Variants in USP40 observed in about 807,000 individuals in gnomAD.
USP40 encodes the protein ubiquitin specific peptidase 40.
A neutral mutation model predicts 166.2 loss-of-function variants in USP40; 143 were observed. The observed-to-expected ratio is 0.86, with a 90% CI of 0.75 to 0.99. The LOEUF (loss-of-function observed/expected upper bound fraction) is 0.99. Among genes scored for constraint, USP40 ranks in the 50% least tolerant of loss-of-function variants. The pLI, the probability that USP40 is intolerant of heterozygous loss-of-function variation, is 0.00. For missense variants in USP40, 1,444 were observed against 1,479.7 expected (o/e 0.98, Z 0.40); for synonymous variants, 498 against 524.0 (o/e 0.95, Z 0.68).
Position 233,540,680 on chromosome 2 carries a change from C to A in USP40, c.1152G>T (p.Gln384His), listed in dbSNP as rs751647793. The A allele has an allele frequency of 6.2e-7, 1 of 1,612,094 alleles. No homozygotes were observed. Residue 384 changes from glutamine (Q) to histidine (H), a missense_variant, in exon 10 of 32, where the codon CAG becomes CAT. Physicochemically the swap from Gln to His is conservative, Grantham distance 24. Transcript: ENST00000678225. ...GISWNKKYRK[Q>H]HGPLRKFLQL... Reference sequence around the variant, plus strand: ...GTATTACCTTCCGCAGTGGTCCATGCTGTTTTCTGTACTTCTTGTTCCAAG... The same window carrying A: ...GTATTACCTTCCGCAGTGGTCCATGATGTTTTCTGTACTTCTTGTTCCAAG...
At position 233,533,773 on chromosome 2, in the gene USP40, G is replaced by C; in HGVS notation, c.1177C>G (p.Gln393Glu). 2 of 1,578,446 alleles carry C rather than the reference G, an allele frequency of 1.3e-6. No homozygotes were observed. Among genetic ancestry groups the C allele is most frequent in the South Asian group, 2.3e-5 (2 of 87,102 alleles). ...AGTAGAAATATCTGAGAATGGAGCT[G>C]TAAGAACTACACAGAAACAAAAAAA... ...KQHGPLRKFL[Q>E]LHSQIFLLSS... The change falls in exon 11 of 32, where the codon CAG (glutamine) becomes GAG (glutamate). Residue 393 changes from glutamine to glutamate, a missense_variant. By Grantham distance (29) the Gln-to-Glu change is conservative (BLOSUM62 2). Coordinates refer to ENST00000678225, the MANE Select transcript of USP40 (RefSeq NM_001365479.2).
rs765693647 is a variant in USP40, at chr2:233,554,458, CAT to C, written c.613_614del (p.Met205ValfsTer8). ...VSGLEDALWNMYVEEEVFDCD... is the reference protein window; with the variant it reads ...VSGLEDALWNXYVEEEVFDCD... The stretch of plus-strand genomic sequence containing the variant: ...AATCAAAAACTTCCTCTTCTACATA[CAT>C]GTTCCAGAGAGCATCTTCCAAACCG... On this transcript the variant is annotated frameshift_variant, in exon 6 of 32. Coordinates refer to ENST00000678225, the MANE Select transcript of USP40 (RefSeq NM_001365479.2). LOFTEE classifies it high-confidence loss of function. The C allele has an allele frequency of 3.1e-6, 5 of 1,613,322 alleles. No individual in the cohort carries two copies. The highest frequency in any genetic ancestry group is 4.2e-6 in the Non-Finnish European group (5 of 1,179,702).
At chr2:233,545,960 G>A (rs2069883338) in intron 8 of USP40, 1 of 152,126 alleles carries the variant, frequency 6.6e-6, no homozygotes, top group South Asian at 2.1e-4. Context: ...ATGAAGTTCT[G>A]GATGAAAAGC....
intron 27 of USP40, 147 bp from the exon 28 acceptor site, chr2:233,488,451 A>T (rs968020204): frequency 1.9e-5 from 13 of 686,794 alleles, no homozygotes; most frequent in Non-Finnish European, 3.0e-5. Context: ...GAAAAGGGGA[A>T]AAAATGAGAA....
At position 233,537,636 on chromosome 2, in the gene USP40, T is replaced by A. The variant is rs1369738579; in HGVS notation, c.1170+3026A>T. 3.3e-5 allele frequency among the ~76,000 whole-genome samples: 5 copies of A among 152,194 alleles called. No individual in the cohort carries two copies. The South Asian group carries it at 6.2e-4, about 19-fold the overall frequency. Reference sequence around the variant, plus strand: ...ACAGTTGGCTTCTCATCCAACATACTGGAAGCCAGAACACAATGGGCCTCT... The same window carrying A: ...ACAGTTGGCTTCTCATCCAACATACAGGAAGCCAGAACACAATGGGCCTCT... On this transcript the variant is annotated intron_variant, in intron 10 of 31. Transcript: ENST00000678225.
chr2:233,522,957 A>T (rs1389564020), intron 16 of USP40, among the ~76,000 whole-genome samples: 1 of 152,224 alleles, frequency 6.6e-6, no homozygotes, highest in Non-Finnish European at 1.5e-5. Flanking sequence ...TTATTTTCTC[A>T]CCACATTTAC....
At chr2:233,546,910 G>GT (rs1447279904) in intron 8 of USP40, 4 of 152,194 alleles carry the variant, frequency 2.6e-5, no homozygotes, top group African/African-American at 9.7e-5. Context: ...CATGGTAACA[G>GT]TAAGGGCCGA....
intron 23 of USP40, 124 bp downstream of exon 23, chr2:233,498,424 T>C (rs1015489141): frequency 1.2e-6 from 1 of 834,078 alleles, no homozygotes; most frequent in Non-Finnish European, 1.8e-6. Context: ...AATAGACCCA[T>C]TCATAGATAT....
In USP40 at chr2:233,480,644, G is replaced by GA. The variant is rs1286088192; in HGVS notation, c.3599+558_3599+559insT. 1.3e-5 allele frequency among the ~76,000 whole-genome samples: 2 copies of GA among 152,220 alleles called. No individual in the cohort carries two copies. Among genetic ancestry groups the GA allele is most frequent in the Non-Finnish European group, 2.9e-5 (2 of 68,030 alleles). Reference sequence around the variant, plus strand: ...GCCAGAGCTGGGAGGAGGGAGAGAGGCAAGGAGTCCTGAGCAGAGGTAGAA... The same window carrying GA: ...GCCAGAGCTGGGAGGAGGGAGAGAGGACAAGGAGTCCTGAGCAGAGGTAGAA... On this transcript the variant is annotated intron_variant, in intron 31 of 31. Transcript: ENST00000678225. The surrounding 1 kb of genome is among the most constrained non-coding windows in gnomAD (Gnocchi z 4.5).
chr2:233,521,552 G>A (rs891263462), intron 16 of USP40, among the ~76,000 whole-genome samples: 2 of 152,162 alleles, frequency 1.3e-5, no homozygotes, highest in African/African-American at 4.8e-5. Flanking sequence ...CATATATATT[G>A]TATACTGCAT....
At chr2:233,530,157 T>G (rs77388779) in intron 11 of USP40, among the ~76,000 whole-genome samples, 2,073 of 151,566 alleles carry the variant, frequency 0.014, 42 homozygotes, top group African/African-American at 0.048. Context: ...ATTCTGGAAT[T>G]TTTTTAAGTG....
chr2:233,517,991 C>A, intron 18 of USP40, among the ~76,000 whole-genome samples: 1 of 143,710 alleles, frequency 7.0e-6, no homozygotes. Flanking sequence ...GACACAAAGG[C>A]ACAAGAATGA....
rs74870764 is a variant in USP40, at chr2:233,545,049, A to C, written c.967-2686T>G. On this transcript the variant is annotated intron_variant, in intron 8 of 31. Transcript: ENST00000678225. ...GTCCTCAAATTACTCCCGTAAATCA[A>C]GTTCTTAAAAAGCAAACAAACAAGC... Among the ~76,000 whole-genome samples the C allele has an allele frequency of 6.9e-3, 1,056 of 152,316 alleles. 10 individuals carry two copies. The highest frequency in any genetic ancestry group is 0.024 in the African/African-American group (983 of 41,556).
chr2:233,528,040 G>A (rs1257525647), intron 12 of USP40, among the ~76,000 whole-genome samples: 1 of 148,982 alleles, frequency 6.7e-6, no homozygotes, highest in Non-Finnish European at 1.5e-5. Flanking sequence ...GTGCAGTGCT[G>A]CGATCTTGGC....
chr2:233,493,073 C>G lies in USP40; in HGVS notation c.2917+352G>C. On this transcript the variant is annotated intron_variant, in intron 25 of 31. Transcript: ENST00000678225. The surrounding 1 kb of genome is among the most constrained non-coding windows in gnomAD (Gnocchi z 4.7). Reference sequence around the variant, plus strand: ...TCTCTGCCCCTGTGGGCTAAAATGACATCATTAGAATTGGATGAAGTCTCA... The same window carrying G: ...TCTCTGCCCCTGTGGGCTAAAATGAGATCATTAGAATTGGATGAAGTCTCA... 3.1e-6 allele frequency: 1 copy of G among 317,872 alleles called. No individual in the cohort carries two copies. Among genetic ancestry groups the G allele is most frequent in the Non-Finnish European group, 5.8e-6 (1 of 173,284 alleles). The allele number at this position is 317,872 out of a possible 1,614,324, so 19.7% of individuals were successfully genotyped here. A position where few individuals can be genotyped will look rare whatever the true frequency, so the allele number is the denominator to read the frequency against.
chr2:233,488,169 TAAAGCTTC>T, intron 28 of USP40, 62 bp downstream of exon 28: 2 of 1,347,128 alleles, frequency 1.5e-6, no homozygotes, highest in South Asian at 2.5e-5. Context: ...ATGAAGTTGT[TAAAGCTTC>T]AAAAGGCAAA....
At position 233,512,574 on chromosome 2, in the gene USP40, C is replaced by T; in HGVS notation, c.2432G>A (p.Cys811Tyr). ...AAGTTATCAAAAAGATTTACCTGGA[C>T]AAAGAAGCTTCCCATTTCTATCAAT... ...RPIDRNGKLL[C>Y]PVPDSYTLKE... is the part of the protein sequence containing the mutation. The change falls in exon 19 of 32, where the codon TGT becomes TAT. Residue 811 changes from cysteine to tyrosine, a missense_variant. By Grantham distance (194) the Cys-to-Tyr change is radical (BLOSUM62 -2). Coordinates refer to ENST00000678225, the MANE Select transcript of USP40 (RefSeq NM_001365479.2). 1.3e-6 allele frequency: 2 copies of T among 1,582,398 alleles called. No individual in the cohort carries two copies. Among genetic ancestry groups the T allele is most frequent in the Non-Finnish European group, 1.7e-6 (2 of 1,165,482 alleles).
rs1208033035 is a variant in USP40 at position 233,476,975 on chromosome 2, C to T, written c.*417G>A. 6 of 318,072 alleles carry T rather than the reference C, an allele frequency of 1.9e-5. No homozygotes were observed. The highest frequency in any genetic ancestry group is 8.8e-5 in the East Asian group (1 of 11,314). The allele number at this position is 318,072 out of a possible 1,614,324, so 19.7% of individuals were successfully genotyped here. ...AGACACTGTGAGAAGCCGGTCAGGG[C>T]GAACGAGAGTCATCTGAACACGGAG... On this transcript the variant is annotated 3_prime_UTR_variant, in exon 32 of 32. Coordinates refer to ENST00000678225, the MANE Select transcript of USP40 (RefSeq NM_001365479.2).
intron 30 of USP40, among the ~76,000 whole-genome samples, chr2:233,485,228 T>C (rs868328855): frequency 5.9e-5 from 9 of 152,226 alleles, no homozygotes; most frequent in African/African-American, 1.9e-4. Context: ...TGTCACACAG[T>C]AGTGTTTTTA....
Sources: allele counts gnomAD v4.1 joint callset (sites outside exome capture counted in the v4.1 genomes callset), GRCh38; gene constraint gnomAD v4.1.1; non-coding constraint Gnocchi (gnomAD v3.1); transcripts MANE v1.5; gene names NCBI Gene and HGNC (gene_info 2026-07-23, HGNC 2026-07-21).